Variants in SETD6 observed in about 807,000 individuals in gnomAD.
SETD6 encodes N-lysine methyltransferase SETD6.
SETD6 carries 67 observed loss-of-function variants against 52.7 expected under a neutral mutation model. The ratio of observed to expected loss-of-function variants is 1.27; its 90% CI spans 1.04 to 1.56. SETD6 has a LOEUF of 1.56. SETD6 is among the 40% of genes most tolerant of loss of function. The pLI is 0.00. For missense variants in SETD6, 712 were observed against 607.5 expected (o/e 1.17, Z -1.81); for synonymous variants, 307 against 250.2 (o/e 1.23, Z -2.14).
Position 58,519,010 on chromosome 16 carries a change from T to G in SETD6, c.1403T>G (p.Leu468Trp), listed in dbSNP as rs758715927. The G allele has an allele frequency of 5.0e-6, 8 of 1,612,042 alleles. No homozygotes were observed. The Admixed American group carries it at 8.4e-5, about 17-fold the overall frequency. Residue 468 changes from leucine to tryptophan, a missense_variant, in exon 8 of 8, where the codon TTG (leucine) becomes TGG (tryptophan). By Grantham distance (61) the Leu-to-Trp change is moderately conservative. Coordinates refer to ENST00000219315, the MANE Select transcript of SETD6 (RefSeq NM_001160305.4). ...GGTCAGAAGATGATCTTACATCAGT[T>G]GTTGGAGCTGACAAGTTAGCAGTTT... The part of the protein sequence containing the change: ...RYGQKMILHQ[L>W]LELTS
chr16:58,518,615 G>A, intron 7 of SETD6, 72 bp downstream of exon 7: 5 of 1,432,496 alleles, frequency 3.5e-6, no homozygotes, highest in Non-Finnish European at 4.8e-6. Context: ...GAAGATGAGA[G>A]AGGAAATGTG....
At chr16:58,515,507 G>C, upstream of SETD6, 1 of 1,573,500 alleles carries the variant, frequency 6.4e-7, no homozygotes, top group Non-Finnish European at 8.6e-7. Flanking sequence ...CGCGCGGTGC[G>C]CCGGCCCGCG....
intron 5 of SETD6, 92 bp from the exon 6 acceptor site, chr16:58,517,959 C>G: frequency 6.6e-7 from 1 of 1,518,466 alleles, no homozygotes; most frequent in Non-Finnish European, 9.1e-7. Context: ...CATGGCTGAA[C>G]TACACCTGCT....
rs2039340572 is a variant in SETD6, at chr16:58,520,761, G to A, written c.*1732G>A. The A allele has an allele frequency of 5.1e-6, 3 of 588,020 alleles. No individual in the cohort carries two copies. Among genetic ancestry groups the A allele is most frequent in the Non-Finnish European group, 6.0e-6 (2 of 333,730 alleles). 36.4% of individuals were successfully genotyped at this position (588,020 alleles called of 1,614,324 possible). ...ACAGCATCTTCTAAATTTTGGCCAA[G>A]AGTCAAAAAAATGCATTTAAACTTT... On this transcript the variant is annotated 3_prime_UTR_variant, in exon 8 of 8. Transcript: ENST00000219315.
At position 58,521,464 on chromosome 16, in the gene SETD6, C is replaced by A; in HGVS notation, c.*2435C>A. The A allele has an allele frequency of 1.4e-6, 1 of 733,732 alleles. No individual in the cohort carries two copies. The highest frequency in any genetic ancestry group is 2.2e-6 in the Non-Finnish European group (1 of 453,650). 45.5% of individuals were successfully genotyped at this position (733,732 alleles called of 1,614,324 possible). A position where few individuals can be genotyped will look rare whatever the true frequency, so the allele number is the denominator to read the frequency against. On this transcript the variant is annotated 3_prime_UTR_variant, in exon 8 of 8. Coordinates refer to ENST00000219315, the MANE Select transcript of SETD6 (RefSeq NM_001160305.4). Reference sequence around the variant, plus strand: ...TAGTAAAGACAGGTGGATTAATATACTCCAAATAGCACAGGTTGGAATACC... The same window carrying A: ...TAGTAAAGACAGGTGGATTAATATAATCCAAATAGCACAGGTTGGAATACC...
In SETD6 at chr16:58,520,937, A is replaced by G; in HGVS notation, c.*1908A>G. On this transcript the variant is annotated 3_prime_UTR_variant, in exon 8 of 8. Transcript: ENST00000219315. ...CAGTGAGACCTCTAGACTGACACGT[A>G]CAACAGAGATGCAGTTTCGTCTAAC... 1 of 1,610,578 alleles carries G rather than the reference A, an allele frequency of 6.2e-7. No individual in the cohort carries two copies.
chr16:58,515,534 G>C lies in SETD6; in HGVS notation c.-4G>C. The C allele has an allele frequency of 6.3e-7, 1 of 1,588,152 alleles. No homozygotes were observed. Among genetic ancestry groups the C allele is most frequent in the Non-Finnish European group, 8.5e-7 (1 of 1,171,756 alleles). On this transcript the variant is annotated 5_prime_UTR_variant, in exon 1 of 8. Transcript: ENST00000219315. The stretch of plus-strand genomic sequence containing the variant: ...CGGCCCGCGAGGAAACGCGCTCTTA[G>C]ACCATGGCGACCCAGGCGAAGCGTC...
rs1448421309 is a variant in SETD6, at chr16:58,521,897, G to C, written c.*2868G>C. ...ACCCAGTAGGTGGAGGTTGTGGTGA[G>C]CCGAGATGGTGCCACTGCACTCCAG... On this transcript the variant is annotated 3_prime_UTR_variant, in exon 8 of 8. Transcript: ENST00000219315. Among the ~76,000 whole-genome samples, 1 of 152,150 alleles carries C rather than the reference G, an allele frequency of 6.6e-6. No individual in the cohort carries two copies. Among genetic ancestry groups the C allele is most frequent in the Non-Finnish European group, 1.5e-5 (1 of 68,034 alleles).
intron 5 of SETD6, 54 bp from the exon 6 acceptor site, chr16:58,517,997 T>A (rs916050601): frequency 3.1e-6 from 5 of 1,611,066 alleles, no homozygotes; most frequent in African/African-American, 1.3e-5. Context: ...GGAAATAATC[T>A]TCATGGGGCT....
rs368882947 is a variant in SETD6 at position 58,518,396 on chromosome 16, T to C, written c.974-5T>C. Reference sequence around the variant, plus strand: ...GAGACTTTCACATTGCTGTTTCATCTACAGGAACAAAAACTGAAGCTGAAA... The same window carrying C: ...GAGACTTTCACATTGCTGTTTCATCCACAGGAACAAAAACTGAAGCTGAAA... On this transcript the variant is annotated splice_region_variant and splice_polypyrimidine_tract_variant and intron_variant, in intron 6 of 7. Transcript: ENST00000219315. 6.3e-7 allele frequency: 1 copy of C among 1,580,650 alleles called. No individual in the cohort carries two copies. Among genetic ancestry groups the C allele is most frequent in the African/African-American group, 1.4e-5 (1 of 72,664 alleles).
Position 58,522,325 on chromosome 16 carries a change from T to C in SETD6, c.*3296T>C, listed in dbSNP as rs74702446. Among the ~76,000 whole-genome samples, 2,257 of 151,154 alleles carry C rather than the reference T, an allele frequency of 0.015. 43 individuals carry two copies. The highest frequency in any genetic ancestry group is 0.052 in the African/African-American group (2,142 of 41,154). ...AAATTTTTCCGAATGCCAGTAAGCA[T>C]TGGCTTAACTTTATATCCTTTCACG... On this transcript the variant is annotated 3_prime_UTR_variant, in exon 8 of 8. Coordinates refer to ENST00000219315, the MANE Select transcript of SETD6 (RefSeq NM_001160305.4).
Position 58,516,490 on chromosome 16 carries a change from G to A in SETD6, c.489G>A (p.Glu163=). The A allele has an allele frequency of 6.2e-7, 1 of 1,614,052 alleles. No homozygotes were observed. Among genetic ancestry groups the A allele is most frequent in the Admixed American group, 1.7e-5 (1 of 60,024 alleles). ...LEHPMFWPEE[E]RRCLLQGTGV... The stretch of plus-strand genomic sequence containing the variant: ...GGTGTCCCTGCAGGCCAGAGGAGGA[G>A]CGCCGGTGCCTGCTCCAGGGCACAG... Residue 163 remains glutamate (E), a synonymous_variant, in exon 4 of 8, where the codon GAG becomes GAA. Transcript: ENST00000219315.
Position 58,523,295 on chromosome 16 carries a change from G to T in SETD6, c.*4266G>T. ...AACGGATTTTCACTGAACACTGAAA[G>T]CATAAAGAGGAAAAAAAAAAGATGA... is the stretch of plus-strand genomic sequence containing the variant. On this transcript the variant is annotated 3_prime_UTR_variant, in exon 8 of 8. Coordinates refer to ENST00000219315, the MANE Select transcript of SETD6 (RefSeq NM_001160305.4). 1.4e-6 allele frequency: 2 copies of T among 1,428,058 alleles called. No individual in the cohort carries two copies. The highest frequency in any genetic ancestry group is 1.7e-5 in the African/African-American group (1 of 59,262). The allele number at this position is 1,428,058 out of a possible 1,614,324, so 88.5% of individuals were successfully genotyped here.
rs148482512 is a variant in SETD6 at position 58,518,141 on chromosome 16, C to G, written c.883C>G (p.His295Asp). ...GCAAATGGCTAACTGGCAACTGATT[C>G]ATATGTACGGTTTTGTTGAACCATA... ...YGQMANWQLI[H>D]MYGFVEPYPD... The change falls in exon 6 of 8, where the codon CAT (histidine) becomes GAT (aspartate). Residue 295 changes from histidine (H) to aspartate (D), a missense_variant. Transcript: ENST00000219315. 352 of 1,614,214 alleles carry G rather than the reference C, an allele frequency of 2.2e-4. 1 individual carries two copies. The Middle Eastern group carries it at 0.011, about 48-fold the overall frequency.
At chr16:58,518,022 A>C (rs764739941) in intron 5 of SETD6, 29 bp from the exon 6 acceptor site, 1 of 1,613,910 alleles carries the variant, frequency 6.2e-7, no homozygotes, top group Admixed American at 1.7e-5. Context: ...CGTGAAAGGC[A>C]TGGCCCCAGC....
chr16:58,516,254 G>T lies in SETD6; in HGVS notation c.387G>T (p.Leu129=). 1 of 1,600,026 alleles carries T rather than the reference G, an allele frequency of 6.2e-7. No homozygotes were observed. Among genetic ancestry groups the T allele is most frequent in the Non-Finnish European group, 8.5e-7 (1 of 1,179,616 alleles). Reference sequence around the variant, plus strand: ...GCTGGGTGCCACTGCTGCTGGCGCTGCTCCACGAGCTGCAGGCCCCGGCCT... The same window carrying T: ...GCTGGGTGCCACTGCTGCTGGCGCTTCTCCACGAGCTGCAGGCCCCGGCCT... ...QSGWVPLLLA[L]LHELQAPASR... Residue 129 remains leucine, a synonymous_variant, in exon 3 of 8, where the codon CTG becomes CTT. Transcript: ENST00000219315.
rs780885873 is a variant in SETD6 at position 58,516,355 on chromosome 16, G to T, written c.476+12G>T. On this transcript the variant is annotated intron_variant, in intron 3 of 7. Transcript: ENST00000219315. ...CACCCGATGTTCTGGTGAGAGCCTT[G>T]GGAGGGGTTGGGGAGCGCCTGCACC... The T allele has an allele frequency of 6.2e-7, 1 of 1,610,018 alleles. No homozygotes were observed. The highest frequency in any genetic ancestry group is 1.1e-5 in the South Asian group (1 of 91,036).
chr16:58,515,757 G>A, intron 1 of SETD6, 34 bp from the exon 2 acceptor site: 1 of 1,439,606 alleles, frequency 6.9e-7, no homozygotes. Flanking sequence ...CCTCTCTGGG[G>A]GTCGGACCTG....
At position 58,520,023 on chromosome 16, in the gene SETD6, A is replaced by T. The variant is rs746525764; in HGVS notation, c.*994A>T. Reference sequence around the variant, plus strand: ...AGAAGTAGGGGAGCTGAAGCCCAGGAAAAGGCTACAAAATACAACACAGGG... The same window carrying T: ...AGAAGTAGGGGAGCTGAAGCCCAGGTAAAGGCTACAAAATACAACACAGGG... On this transcript the variant is annotated 3_prime_UTR_variant, in exon 8 of 8. Transcript: ENST00000219315. The T allele has an allele frequency of 6.6e-6, 1 of 152,268 alleles. No homozygotes were observed. Among genetic ancestry groups the T allele is most frequent in the Non-Finnish European group, 1.5e-5 (1 of 68,060 alleles). The allele number at this position is 152,268 out of a possible 1,614,324, so 9.4% of individuals were successfully genotyped here.
Sources: allele counts gnomAD v4.1 joint callset (sites outside exome capture counted in the v4.1 genomes callset), GRCh38; gene constraint gnomAD v4.1.1; transcripts MANE v1.5; gene names NCBI Gene and HGNC (gene_info 2026-07-23, HGNC 2026-07-21).